KCNQ1: variants seen among roughly 807,000 people sequenced by gnomAD.
KCNQ1 encodes potassium voltage-gated channel subfamily Q member 1.
KCNQ1 carries 49 observed loss-of-function variants against 72.4 expected under a neutral mutation model. The observed-to-expected ratio is 0.68, with a 90% CI of 0.54 to 0.86. The LOEUF is 0.86. Ranked by LOEUF, KCNQ1 falls within the 40% of genes least tolerant of loss-of-function variation. The pLI, the probability that KCNQ1 is intolerant of heterozygous loss-of-function variation, is 0.00. For synonymous variants in KCNQ1, 450 were observed against 412.6 expected (o/e 1.09, Z -1.10); for missense variants, 790 against 945.1 (o/e 0.84, Z 2.15).
At chr11:2,584,572 AGT>A (rs1848562968) in intron 7 of KCNQ1, among the ~76,000 whole-genome samples, 1 of 109,362 alleles carries the variant, frequency 9.1e-6, no homozygotes, top group South Asian at 2.8e-4. Flanking sequence ...TGTGTGTGTT[AGT>A]GTTTGTGTGT....
At chr11:2,631,263 C>G (rs1849348250) in intron 10 of KCNQ1, 1 of 398,410 alleles carries the variant, frequency 2.5e-6, no homozygotes, top group African/African-American at 2.1e-5. Flanking sequence ...TGTAAACTTC[C>G]CTTGTTACCT....
rs1316245068 is a variant in KCNQ1, at chr11:2,715,120, T to C, written c.1514+53039T>C. Reference sequence around the variant, plus strand: ...TTGGCGAGGATGACCGCAAGTGTCTTGACCCAAACATGAGATGCCCCTCAC... The same window carrying C: ...TTGGCGAGGATGACCGCAAGTGTCTCGACCCAAACATGAGATGCCCCTCAC... On this transcript the variant is annotated intron_variant, in intron 11 of 15. Transcript: ENST00000155840. The surrounding 1 kb of genome is among the most constrained non-coding windows in gnomAD (Gnocchi z 4.9). 1.3e-5 allele frequency among the ~76,000 whole-genome samples: 2 copies of C among 152,070 alleles called. No individual in the cohort carries two copies. The highest frequency in any genetic ancestry group is 4.8e-5 in the African/African-American group (2 of 41,386).
At chr11:2,775,616 G>C (rs1007091256) in intron 12 of KCNQ1, among the ~76,000 whole-genome samples, 6 of 152,190 alleles carry the variant, frequency 3.9e-5, no homozygotes, top group Admixed American at 3.3e-4. Flanking sequence ...GACCCCTTGG[G>C]GGGGCCAGCT....
At chr11:2,523,879 T>TG (rs1488576348) in intron 1 of KCNQ1, among the ~76,000 whole-genome samples, 3 of 146,948 alleles carry the variant, frequency 2.0e-5, no homozygotes, top group Non-Finnish European at 3.0e-5. Context: ...CATCTGAGAG[T>TG]GGGGGGAGTG....
At chr11:2,744,675 G>A (rs1390038834) in intron 11 of KCNQ1, among the ~76,000 whole-genome samples, 1 of 152,172 alleles carries the variant, frequency 6.6e-6, no homozygotes, top group African/African-American at 2.4e-5. Context: ...TTCTTTAAAT[G>A]GAAATTTCTA....
At chr11:2,546,783 T>C (rs1369498030) in intron 2 of KCNQ1, among the ~76,000 whole-genome samples, 1 of 152,240 alleles carries the variant, frequency 6.6e-6, no homozygotes, top group Non-Finnish European at 1.5e-5. Flanking sequence ...GCTTCGTTCT[T>C]GGGTGCATTA....
At position 2,710,399 on chromosome 11, in the gene KCNQ1, C is replaced by G. The variant is rs907042426; in HGVS notation, c.1514+48318C>G. Among the ~76,000 whole-genome samples the G allele has an allele frequency of 1.8e-4, 27 of 152,268 alleles. No homozygotes were observed. Among genetic ancestry groups the G allele is most frequent in the African/African-American group, 6.3e-4 (26 of 41,556 alleles). ...TATATTCTAGATTCAAGTTCCTTAT[C>G]AGATATATTTTCTTCCTTTTTGTGG... On this transcript the variant is annotated intron_variant, in intron 11 of 15. Coordinates refer to ENST00000155840, the MANE Select transcript of KCNQ1 (RefSeq NM_000218.3). This position sits in a 1 kb window ranked among gnomAD's most constrained non-coding sequence, Gnocchi z 4.1.
chr11:2,467,676 G>A (rs1846371382), intron 1 of KCNQ1, among the ~76,000 whole-genome samples: 1 of 152,190 alleles, frequency 6.6e-6, no homozygotes, highest in South Asian at 2.1e-4. Flanking sequence ...CAGGTGAGGT[G>A]AGAGACACCT....
chr11:2,641,344 T>G lies in KCNQ1; in HGVS notation c.1394-20617T>G, dbSNP rs577475288. On this transcript the variant is annotated intron_variant, in intron 10 of 15. Coordinates refer to ENST00000155840, the MANE Select transcript of KCNQ1 (RefSeq NM_000218.3). ...AATTTTTGTCTTTTTAAAATAGCCA[T>G]TCTCACTATGGTTTTGGCTTGCATT... is the stretch of plus-strand genomic sequence containing the variant. 6.3e-5 allele frequency: 25 copies of G among 398,374 alleles called. No homozygotes were observed. The South Asian group carries it at 1.8e-3, about 28-fold the overall frequency. The allele number at this position is 398,374 out of a possible 1,614,324, so 24.7% of individuals were successfully genotyped here. A position where few individuals can be genotyped will look rare whatever the true frequency, so the allele number is the denominator to read the frequency against.
chr11:2,540,354 T>C (rs1393183832), intron 2 of KCNQ1, among the ~76,000 whole-genome samples: 1 of 152,220 alleles, frequency 6.6e-6, no homozygotes, highest in Non-Finnish European at 1.5e-5. Flanking sequence ...ACTTTGCAGG[T>C]TGGGGGGACA....
Position 2,543,933 on chromosome 11 carries a change from C to G in KCNQ1, c.477+15915C>G, listed in dbSNP as rs1457220775. On this transcript the variant is annotated intron_variant, in intron 2 of 15. Transcript: ENST00000155840. This position sits in a 1 kb window ranked among gnomAD's most constrained non-coding sequence, Gnocchi z 5.6. Reference sequence around the variant, plus strand: ...ATAAAATTGTCTCTTTCTGGACACTCTACTGTGATCCGTTGATCTGTCCTT... The same window carrying G: ...ATAAAATTGTCTCTTTCTGGACACTGTACTGTGATCCGTTGATCTGTCCTT... Among the ~76,000 whole-genome samples, 15 of 152,186 alleles carry G rather than the reference C, an allele frequency of 9.9e-5. No homozygotes were observed. The highest frequency in any genetic ancestry group is 9.8e-4 in the Admixed American group (15 of 15,274).
Position 2,588,066 on chromosome 11 carries a change from G to C in KCNQ1, c.1251+374G>C, listed in dbSNP as rs975042073. On this transcript the variant is annotated intron_variant, in intron 9 of 15. Coordinates refer to ENST00000155840, the MANE Select transcript of KCNQ1 (RefSeq NM_000218.3). This position sits in a 1 kb window ranked among gnomAD's most constrained non-coding sequence, Gnocchi z 5.6. Reference sequence around the variant, plus strand: ...GCCGCGCGCAGTGGGTGGTGGGAGGGGAGCAGCAGGGGAGGGAGGTGAGGC... The same window carrying C: ...GCCGCGCGCAGTGGGTGGTGGGAGGCGAGCAGCAGGGGAGGGAGGTGAGGC... Among the ~76,000 whole-genome samples the C allele has an allele frequency of 6.6e-6, 1 of 152,076 alleles. No homozygotes were observed. The highest frequency in any genetic ancestry group is 6.5e-5 in the Admixed American group (1 of 15,280).
At position 2,679,321 on chromosome 11, in the gene KCNQ1, C is replaced by T. The variant is rs1850347087; in HGVS notation, c.1514+17240C>T. ...CTAATAACAGGGTCTGGAGTCTGAA[C>T]TCATATCCTAATTCCACTACTTTCT... On this transcript the variant is annotated intron_variant, in intron 11 of 15. Coordinates refer to ENST00000155840, the MANE Select transcript of KCNQ1 (RefSeq NM_000218.3). This position sits in a 1 kb window ranked among gnomAD's most constrained non-coding sequence, Gnocchi z 4.8. 4 of 398,646 alleles carry T rather than the reference C, an allele frequency of 1.0e-5. No homozygotes were observed. The highest frequency in any genetic ancestry group is 1.8e-5 in the Non-Finnish European group (4 of 226,072). 24.7% of individuals were successfully genotyped at this position (398,646 alleles called of 1,614,324 possible).
intron 11 of KCNQ1, among the ~76,000 whole-genome samples, chr11:2,760,110 GCAGCCCAGCAGCCCCCACCCCAGC>G (rs1454741775): frequency 1.3e-5 from 2 of 152,222 alleles, no homozygotes; most frequent in African/African-American, 4.8e-5. Context: ...GGCCCCTTGG[GCAGCCCAGCAGCCCCCACCCCAGC>G]CAGCCCAGCC....
rs965882559 is a variant in KCNQ1 at position 2,507,891 on chromosome 11, A to T, written c.387-20037A>T. Reference sequence around the variant, plus strand: ...CCTGCAGCCTCCACAGGGGCAATGGAGGAAGAACAAAGGACTCTGTGTTGA... The same window carrying T: ...CCTGCAGCCTCCACAGGGGCAATGGTGGAAGAACAAAGGACTCTGTGTTGA... On this transcript the variant is annotated intron_variant, in intron 1 of 15. Transcript: ENST00000155840. The surrounding 1 kb of genome is among the most constrained non-coding windows in gnomAD (Gnocchi z 5.4). Among the ~76,000 whole-genome samples, 2 of 152,108 alleles carry T rather than the reference A, an allele frequency of 1.3e-5. No individual in the cohort carries two copies. The highest frequency in any genetic ancestry group is 2.9e-5 in the Non-Finnish European group (2 of 68,010).
intron 11 of KCNQ1, chr11:2,685,182 GCCC>G: frequency 2.5e-6 from 1 of 398,656 alleles, no homozygotes; most frequent in Non-Finnish European, 4.4e-6. Flanking sequence ...TGCATGGAAT[GCCC>G]CCTTCGTGGG....
rs752591928 is a variant in KCNQ1, at chr11:2,497,360, G to A, written c.387-30568G>A. Among the ~76,000 whole-genome samples, 11 of 151,936 alleles carry A rather than the reference G, an allele frequency of 7.2e-5. No individual in the cohort carries two copies. Among genetic ancestry groups the A allele is most frequent in the East Asian group, 1.9e-4 (1 of 5,194 alleles). On this transcript the variant is annotated intron_variant, in intron 1 of 15. Coordinates refer to ENST00000155840, the MANE Select transcript of KCNQ1 (RefSeq NM_000218.3). This position sits in a 1 kb window ranked among gnomAD's most constrained non-coding sequence, Gnocchi z 4.5. ...CCCATATTTCTTGGAGGTTTTGTTC[G>A]TTCTTTTTCATCATTTTTTCTCTAA...
intron 1 of KCNQ1, among the ~76,000 whole-genome samples, chr11:2,466,025 A>G (rs958495679): frequency 6.6e-6 from 1 of 152,012 alleles, no homozygotes; most frequent in Non-Finnish European, 1.5e-5. Context: ...GGCCTGCATG[A>G]GTGTTCTCGG....
intron 11 of KCNQ1, among the ~76,000 whole-genome samples, chr11:2,760,868 T>C (rs1436933084): frequency 1.3e-5 from 2 of 152,188 alleles, no homozygotes; most frequent in African/African-American, 2.4e-5. Flanking sequence ...GTCGGACAGG[T>C]TGTGGGGCTC....
Sources: gnomAD v4.1 joint callset for allele counts (sites outside exome capture counted in the v4.1 genomes callset) on GRCh38, gnomAD v4.1.1 for gene constraint, Gnocchi (gnomAD v3.1) non-coding constraint, MANE v1.5 for transcripts, NCBI Gene and HGNC (gene_info 2026-07-23, HGNC 2026-07-21) for gene names.